The following LTN1 variants were observed in gnomAD, a reference collection of about 807,000 sequenced individuals.
The protein encoded by LTN1 is listerin E3 ubiquitin protein ligase 1.
LTN1 carries 88 observed loss-of-function variants against 201.2 expected under a neutral mutation model. The ratio of observed to expected loss-of-function variants is 0.44; its 90% CI spans 0.37 to 0.52. The LOEUF (loss-of-function observed/expected upper bound fraction) is 0.52. Ranked by LOEUF, LTN1 falls within the 20% of genes least tolerant of loss-of-function variation. The probability of loss-of-function intolerance (pLI) is 0.00; values close to 1 mark genes in which losing one functional copy is unlikely to be tolerated. For synonymous variants in LTN1, 645 were observed against 713.5 expected (o/e 0.90, Z 1.53); for missense variants, 1,752 against 2,038.7 (o/e 0.86, Z 2.71).
rs1568835649 is a variant in LTN1 at position 28,943,193 on chromosome 21, C to A, written c.4295+69G>T. The A allele has an allele frequency of 3.4e-6, 3 of 893,934 alleles. No individual in the cohort carries two copies. The East Asian group carries it at 7.9e-5, about 23-fold the overall frequency. 55.4% of individuals were successfully genotyped at this position (893,934 alleles called of 1,614,324 possible). ...CTATAGCTTCTGTGCTGCTTCAGTC[C>A]TCTAAAGACATTATAAGTGAGATGG... On this transcript the variant is annotated intron_variant, in intron 24 of 29. Transcript: ENST00000361371.
In LTN1 at chr21:28,947,474, G is replaced by A. The variant is rs1039120540; in HGVS notation, c.3477C>T (p.Cys1159=). 3.9e-6 allele frequency: 6 copies of A among 1,526,542 alleles called. No homozygotes were observed. In the South Asian group the frequency reaches 5.1e-5, roughly 13 times the overall value. 94.6% of individuals were successfully genotyped at this position (1,526,542 alleles called of 1,614,324 possible). A position where few individuals can be genotyped will look rare whatever the true frequency, so the allele number is the denominator to read the frequency against. ...ALLGWTKKDL[C]STNGGFGHLA... ...TATCAAGCAACTAACCATTAGTGCT[G>A]CAAAGATCTTTCTTAGTCCAGCCCA... Residue 1159 remains cysteine, a synonymous_variant, in exon 19 of 30, where the codon TGC becomes TGT. Transcript: ENST00000361371.
intron 25 of LTN1, among the ~76,000 whole-genome samples, chr21:28,939,446 T>C (rs770601542): frequency 1.3e-5 from 2 of 152,198 alleles, no homozygotes; most frequent in African/African-American, 2.4e-5. Context: ...CACATGTACA[T>C]ATACAACTTT....
intron 12 of LTN1, 35 bp from the exon 13 acceptor site, chr21:28,959,732 A>G: frequency 6.7e-7 from 1 of 1,495,602 alleles, no homozygotes; most frequent in Non-Finnish European, 9.0e-7. Flanking sequence ...ACAAAAAATA[A>G]AAATATTAAC....
At chr21:28,980,764 C>T (rs2146313458) in intron 6 of LTN1, among the ~76,000 whole-genome samples, 1 of 151,882 alleles carries the variant, frequency 6.6e-6, no homozygotes, top group South Asian at 2.1e-4. Flanking sequence ...AACAAAAGCA[C>T]ATATATTAAA....
chr21:28,981,093 T>A (rs377338171), intron 6 of LTN1, 26 bp downstream of exon 6: 1 of 1,390,232 alleles, frequency 7.2e-7, no homozygotes, highest in Non-Finnish European at 9.6e-7. Flanking sequence ...CAGAGAAATG[T>A]CTTAAGATAA....
chr21:28,971,260 C>G lies in LTN1; in HGVS notation c.984+11G>C, dbSNP rs2084571963. On this transcript the variant is annotated intron_variant, in intron 7 of 29. Coordinates refer to ENST00000361371, the MANE Select transcript of LTN1 (RefSeq NM_015565.3). ...ATTCCTCAGTGTACTAAATGTGCCT[C>G]TCTTACATACCTCAATAGTTGTAAG... 2 of 1,605,862 alleles carry G rather than the reference C, an allele frequency of 1.2e-6. No individual in the cohort carries two copies. Among genetic ancestry groups the G allele is most frequent in the Non-Finnish European group, 1.7e-6 (2 of 1,175,612 alleles).
intron 9 of LTN1, among the ~76,000 whole-genome samples, chr21:28,968,898 C>T (rs1476836259): frequency 3.3e-5 from 5 of 151,538 alleles, no homozygotes; most frequent in South Asian, 2.1e-4. Context: ...TGAGCCACGA[C>T]GCCCAGCCTG....
At chr21:28,971,480 A>G in intron 6 of LTN1, 36 bp from the exon 7 acceptor site, 1 of 1,587,620 alleles carries the variant, frequency 6.3e-7, no homozygotes, top group Non-Finnish European at 8.6e-7. Context: ...ATTAAAACCT[A>G]GTAAAACTTG....
At chr21:28,975,760 C>T (rs2084610185) in intron 6 of LTN1, among the ~76,000 whole-genome samples, 1 of 152,212 alleles carries the variant, frequency 6.6e-6, no homozygotes, top group Non-Finnish European at 1.5e-5. Context: ...AAAAATCTCA[C>T]ACATTGCTGG....
chr21:28,945,232 AAAAGAAAGAAAG>A (rs574074190), intron 21 of LTN1, among the ~76,000 whole-genome samples: 4 of 150,640 alleles, frequency 2.7e-5, no homozygotes, highest in African/African-American at 1.0e-4. Flanking sequence ...AATTTAAAAA[AAAAGAAAGAAAG>A]AAAGAAAGAA....
At chr21:28,969,412 T>G in intron 9 of LTN1, 54 bp downstream of exon 9, 5 of 1,463,204 alleles carry the variant, frequency 3.4e-6, no homozygotes, top group Non-Finnish European at 4.6e-6. Context: ...ACAATGAGCT[T>G]GATCCTACAT....
chr21:28,932,363 A>T (rs561204706), intron 28 of LTN1, 107 bp downstream of exon 28: 1 of 898,380 alleles, frequency 1.1e-6, no homozygotes, highest in Admixed American at 2.2e-5. Flanking sequence ...GAAGTTTAAT[A>T]TCTACTTTTA....
Position 28,982,300 on chromosome 21 carries a change from A to T in LTN1, c.629+16T>A. ...CAAATCCTTAACATGAGTTACAATG[A>T]AACAATACAACTTACTGCGGGTCAC... On this transcript the variant is annotated intron_variant, in intron 5 of 29. Coordinates refer to ENST00000361371, the MANE Select transcript of LTN1 (RefSeq NM_015565.3). 6.2e-7 allele frequency: 1 copy of T among 1,602,712 alleles called. No homozygotes were observed.
At chr21:28,932,782 C>T (rs1034730293) in intron 27 of LTN1, 118 bp from the exon 28 acceptor site, 19 of 629,442 alleles carry the variant, frequency 3.0e-5, no homozygotes, top group Non-Finnish European at 5.2e-5. Flanking sequence ...CAGGTAAATA[C>T]ATTCACTTAT....
intron 11 of LTN1, among the ~76,000 whole-genome samples, chr21:28,962,866 A>T (rs2084490658): frequency 6.6e-6 from 1 of 152,246 alleles, no homozygotes; most frequent in Non-Finnish European, 1.5e-5. Flanking sequence ...ACAGAAAGTG[A>T]CATAGACTTA....
chr21:28,974,101 A>G (rs868761784), intron 6 of LTN1, among the ~76,000 whole-genome samples: 1 of 152,168 alleles, frequency 6.6e-6, no homozygotes, highest in Admixed American at 6.5e-5. Context: ...TAAGACATCA[A>G]TCTATTAACT....
At chr21:28,936,977 C>G (rs772790631) in intron 25 of LTN1, among the ~76,000 whole-genome samples, 6 of 152,166 alleles carry the variant, frequency 3.9e-5, no homozygotes, top group South Asian at 4.1e-4. Flanking sequence ...CCTTCCACAC[C>G]ATTGCCCTTA....
In LTN1 at chr21:28,986,776, C is replaced by A; in HGVS notation, c.201G>T (p.Met67Ile). 1 of 1,613,992 alleles carries A rather than the reference C, an allele frequency of 6.2e-7. No homozygotes were observed. The highest frequency in any genetic ancestry group is 8.5e-7 in the Non-Finnish European group (1 of 1,179,932). The change falls in exon 2 of 30, where the codon ATG (methionine) becomes ATT (isoleucine). Residue 67 changes from methionine (M) to isoleucine (I), a missense_variant. Met to Ile is a conservative substitution (Grantham distance 10). Around this residue, in one of 3 missense-constraint regions of LTN1, gnomAD observed 280 missense variants for 375.7 expected, o/e 0.75. Transcript: ENST00000361371. This position sits in a 1 kb window ranked among gnomAD's most constrained non-coding sequence, Gnocchi z 4.1. ...CTTTCTTTGAAAGTTTCCGCAGCAC[C>A]ATTCGGAAATCAGAATCTACAAGAC... ...IDSLVDSDFR[M>I]VLRKLSKKDV...
chr21:28,964,813 C>T (rs781247608), intron 11 of LTN1: 1 of 1,508,678 alleles, frequency 6.6e-7, no homozygotes. Context: ...AAATTATTTG[C>T]ACCCCCTGCT....
Sources: allele counts gnomAD v4.1 joint callset (sites outside exome capture counted in the v4.1 genomes callset), GRCh38; gene constraint gnomAD v4.1.1; regional missense constraint gnomAD v4.1.1; non-coding constraint Gnocchi (gnomAD v3.1); transcripts MANE v1.5; gene names NCBI Gene and HGNC (gene_info 2026-07-23, HGNC 2026-07-21).